NAALADL2: variants seen among roughly 807,000 people sequenced by gnomAD.
The protein encoded by NAALADL2 is inactive N-acetylated-alpha-linked acidic dipeptidase-like protein 2.
A neutral mutation model predicts 87.2 loss-of-function variants in NAALADL2; 76 were observed. That is an observed-to-expected ratio of 0.87 (90% CI 0.72 to 1.05). NAALADL2 has a LOEUF of 1.05. NAALADL2 is among the 50% of genes least tolerant of loss of function. The pLI is 0.00. For synonymous variants in NAALADL2, 354 were observed against 331.0 expected, an observed-to-expected ratio of 1.07 and a Z score of -0.75; for missense variants, 1,089 against 945.8, an observed-to-expected ratio of 1.15 and a Z score of -1.99.
At chr3:175,331,785 A>G (rs1581454105) in intron 5 of NAALADL2, among the ~76,000 whole-genome samples, 2 of 152,302 alleles carry the variant, frequency 1.3e-5, no homozygotes, top group East Asian at 3.9e-4. Context: ...ATAAAAAGAC[A>G]TCCACATTGG....
chr3:175,569,281 C>T (rs866906618), intron 9 of NAALADL2, among the ~76,000 whole-genome samples: 1 of 152,152 alleles, frequency 6.6e-6, no homozygotes, highest in African/African-American at 2.4e-5. Flanking sequence ...AAATTACCTC[C>T]AGCTAATCAA....
chr3:174,602,229 C>G lies in NAALADL2; in HGVS notation c.-115+51592C>G, dbSNP rs139261675. ...ACTTTGGGTAGTATGCACATTTTAA[C>G]AATATTGATTCTTCCAATCCATGAA... On this transcript the variant is annotated intron_variant, in intron 2 of 3. Transcript: ENST00000434257. Among the ~76,000 whole-genome samples, 1,298 of 152,230 alleles carry G rather than the reference C, an allele frequency of 8.5e-3. 14 individuals are homozygous for G. Among genetic ancestry groups the G allele is most frequent in the African/African-American group, 0.03 (1,253 of 41,562 alleles).
chr3:175,384,462 T>C (rs1476875890), intron 5 of NAALADL2, among the ~76,000 whole-genome samples: 4 of 152,032 alleles, frequency 2.6e-5, no homozygotes, highest in Non-Finnish European at 5.9e-5. Context: ...AAATAATACT[T>C]TCGGTTCTTT....
chr3:174,473,403 C>T (rs1717026300), intron 1 of NAALADL2, among the ~76,000 whole-genome samples: 1 of 152,194 alleles, frequency 6.6e-6, no homozygotes, highest in Non-Finnish European at 1.5e-5. Flanking sequence ...ATCACATTTT[C>T]ATCTTCCTCT....
intron 8 of NAALADL2, among the ~76,000 whole-genome samples, chr3:175,468,105 A>C (rs1724355698): frequency 6.6e-6 from 1 of 152,156 alleles, no homozygotes; most frequent in Non-Finnish European, 1.5e-5. Flanking sequence ...CTCAAAAAAG[A>C]TAAAATATCT....
intron 5 of NAALADL2, among the ~76,000 whole-genome samples, chr3:175,348,564 C>T (rs933573701): frequency 6.6e-6 from 1 of 152,106 alleles, no homozygotes; most frequent in African/African-American, 2.4e-5. Context: ...AGGATCCTCC[C>T]TTGCATCTTC....
At chr3:174,976,786 A>G (rs1744415262) in intron 1 of NAALADL2, among the ~76,000 whole-genome samples, 1 of 152,230 alleles carries the variant, frequency 6.6e-6, no homozygotes, top group Non-Finnish European at 1.5e-5. Flanking sequence ...ATACTGAAAC[A>G]TTTTAATTTC....
At chr3:175,121,082 A>C (rs569379001) in intron 2 of NAALADL2, among the ~76,000 whole-genome samples, 1 of 151,784 alleles carries the variant, frequency 6.6e-6, no homozygotes, top group Non-Finnish European at 1.5e-5. Context: ...AAAAATTAAC[A>C]TCTTCTAGTT....
chr3:174,643,546 C>T (rs965123733), intron 2 of NAALADL2, among the ~76,000 whole-genome samples: 19 of 151,984 alleles, frequency 1.3e-4, no homozygotes, highest in South Asian at 8.3e-4. Flanking sequence ...CCCAGCTACT[C>T]GGGAGGCTGA....
chr3:175,380,648 T>A (rs752171021), intron 5 of NAALADL2, among the ~76,000 whole-genome samples: 4 of 152,164 alleles, frequency 2.6e-5, no homozygotes, highest in Non-Finnish European at 4.4e-5. Flanking sequence ...CAATCCCTTT[T>A]TTCTAGATAG....
intron 4 of NAALADL2, among the ~76,000 whole-genome samples, chr3:175,278,125 CAATAAT>C (rs575073441): frequency 1.3e-5 from 2 of 151,998 alleles, no homozygotes; most frequent in Admixed American, 6.5e-5. Flanking sequence ...GACTCCGTCT[CAATAAT>C]AATAATAATA....
intron 4 of NAALADL2, among the ~76,000 whole-genome samples, chr3:175,261,171 C>T (rs1217340519): frequency 1.3e-5 from 2 of 152,046 alleles, no homozygotes; most frequent in Non-Finnish European, 2.9e-5. Flanking sequence ...TTTAGACAAA[C>T]ATTAATTCGT....
At chr3:174,660,297 A>G (rs1225102991) in intron 2 of NAALADL2, among the ~76,000 whole-genome samples, 4 of 152,192 alleles carry the variant, frequency 2.6e-5, no homozygotes, top group Non-Finnish European at 5.9e-5. Flanking sequence ...GACTGACAAA[A>G]TGCAATTTTC....
At chr3:174,908,608 C>G (rs544523833) in intron 1 of NAALADL2, among the ~76,000 whole-genome samples, 3 of 152,090 alleles carry the variant, frequency 2.0e-5, no homozygotes, top group Non-Finnish European at 4.4e-5. Flanking sequence ...CTAATAAGAT[C>G]TTAGTATTCA....
chr3:174,718,293 ATT>A (rs1240672786), intron 2 of NAALADL2, among the ~76,000 whole-genome samples: 1 of 152,154 alleles, frequency 6.6e-6, no homozygotes, highest in Non-Finnish European at 1.5e-5. Context: ...TATTTTAACA[ATT>A]TATATCATTG....
rs184200858 is a variant in NAALADL2 at position 175,709,711 on chromosome 3, C to T, written c.1897-27595C>T. Reference sequence around the variant, plus strand: ...GGAGAAGTATCAGCATTTCACAAACCTCAGCAAATCAAACTGAAGAAGAGC... The same window carrying T: ...GGAGAAGTATCAGCATTTCACAAACTTCAGCAAATCAAACTGAAGAAGAGC... On this transcript the variant is annotated intron_variant, in intron 11 of 13. Transcript: ENST00000454872. Among the ~76,000 whole-genome samples the T allele has an allele frequency of 1.4e-3, 219 of 152,160 alleles. 1 individual carries two copies. The highest frequency in any genetic ancestry group is 4.7e-3 in the African/African-American group (197 of 41,528).
chr3:174,787,896 C>T (rs930608378), intron 3 of NAALADL2, among the ~76,000 whole-genome samples: 11 of 151,764 alleles, frequency 7.2e-5, no homozygotes, highest in African/African-American at 2.2e-4. Context: ...AGCACTCCAG[C>T]TCTGAGTGAC....
chr3:175,229,690 G>T (rs986893795), intron 2 of NAALADL2, among the ~76,000 whole-genome samples: 3 of 151,804 alleles, frequency 2.0e-5, no homozygotes, highest in Non-Finnish European at 2.9e-5. Context: ...TCACCTTGGG[G>T]GTTAGGATTT....
intron 3 of NAALADL2, among the ~76,000 whole-genome samples, chr3:174,815,805 C>G (rs1308061953): frequency 2.8e-5 from 4 of 143,652 alleles, no homozygotes; most frequent in African/African-American, 5.1e-5. Context: ...GAGGCAGAAA[C>G]TGAAAGCAGC....
Sources: gnomAD v4.1 joint callset for allele counts (sites outside exome capture counted in the v4.1 genomes callset) on GRCh38, gnomAD v4.1.1 for gene constraint, MANE v1.5 for transcripts, NCBI Gene and HGNC (gene_info 2026-07-23, HGNC 2026-07-21) for gene names.